Variants in GPX6 observed in about 807,000 individuals in gnomAD.
The protein encoded by GPX6 is glutathione peroxidase 6.
A neutral mutation model predicts 20.0 loss-of-function variants in GPX6; 21 were observed. The ratio of observed to expected loss-of-function variants is 1.05; its 90% CI spans 0.74 to 1.51. The LOEUF (loss-of-function observed/expected upper bound fraction) is 1.51. Among genes scored for constraint, GPX6 ranks in the 40% most tolerant of loss-of-function variants. The pLI is 0.00. For synonymous variants in GPX6, 75 were observed against 98.0 expected (o/e 0.77, Z 1.38); for missense variants, 233 against 254.7 (o/e 0.91, Z 0.58).
intron 1 of GPX6, among the ~76,000 whole-genome samples, chr6:28,514,281 C>A (rs562329847): frequency 1.3e-5 from 2 of 152,160 alleles, no homozygotes; most frequent in African/African-American, 4.8e-5. Flanking sequence ...CAGAATCCCA[C>A]GAAAACTGCA....
chr6:28,515,556 T>C (rs1003388949), intron 1 of GPX6, 101 bp downstream of exon 1: 3 of 814,800 alleles, frequency 3.7e-6, no homozygotes, highest in Middle Eastern at 3.3e-4. Flanking sequence ...AATGCAGATC[T>C]TGTCCTTCGA....
At position 28,515,664 on chromosome 6, in the gene GPX6, T is replaced by C. The variant is rs1484632076; in HGVS notation, c.80A>G (p.Asn27Ser). Residue 27 changes from asparagine to serine, a missense_variant, in exon 1 of 5, where the codon AAT becomes AGT. Coordinates refer to ENST00000361902, the MANE Select transcript of GPX6 (RefSeq NM_182701.1). ...CCCCTGCCCCATGCTCACCTTCCTA[T>C]TTTGAGGCTTTAGGGTCTGCTGAGC... is the stretch of plus-strand genomic sequence containing the variant. ...GFAQQTLKPQ[N>S]RKVDCNKGVT... 14 of 1,613,490 alleles carry C rather than the reference T, an allele frequency of 8.7e-6. No individual in the cohort carries two copies. Among genetic ancestry groups the C allele is most frequent in the Non-Finnish European group, 1.1e-5 (13 of 1,179,602 alleles).
intron 1 of GPX6, among the ~76,000 whole-genome samples, chr6:28,513,048 G>C (rs766926309): frequency 6.6e-6 from 1 of 152,174 alleles, no homozygotes; most frequent in Admixed American, 6.5e-5. Context: ...AACACAGTAG[G>C]AGCACACTGG....
intron 1 of GPX6, among the ~76,000 whole-genome samples, chr6:28,511,820 G>C (rs1762882082): frequency 6.6e-6 from 1 of 152,260 alleles, no homozygotes; most frequent in Non-Finnish European, 1.5e-5. Flanking sequence ...GGCCCCCTCA[G>C]CTTCCGAGGA....
intron 3 of GPX6, 46 bp downstream of exon 3, chr6:28,506,266 T>A (rs1161467086): frequency 3.5e-6 from 4 of 1,139,444 alleles, no homozygotes; most frequent in Non-Finnish European, 5.4e-6. Context: ...GAATGAGGAA[T>A]GGAAATCCCG....
intron 3 of GPX6, 111 bp downstream of exon 3, chr6:28,506,201 C>T: frequency 1.4e-6 from 1 of 737,774 alleles, no homozygotes. Context: ...TATGCTTCAA[C>T]CCATGTATCT....
rs35552803 is a variant in GPX6 at position 28,505,979 on chromosome 6, C to T, written c.360-177G>A. Reference sequence around the variant, plus strand: ...GGATTTTATGCAATAGGCTTTATGGCGCCAATAGAGAATTCTAAGAAAATT... The same window carrying T: ...GGATTTTATGCAATAGGCTTTATGGTGCCAATAGAGAATTCTAAGAAAATT... On this transcript the variant is annotated intron_variant, in intron 3 of 4. Transcript: ENST00000361902. Among the ~76,000 whole-genome samples the T allele has an allele frequency of 9.2e-3, 1,396 of 152,258 alleles. 18 individuals are homozygous for T. The highest frequency in any genetic ancestry group is 0.026 in the African/African-American group (1,094 of 41,550).
chr6:28,512,979 G>T (rs375857591), intron 1 of GPX6, among the ~76,000 whole-genome samples: 3 of 151,972 alleles, frequency 2.0e-5, no homozygotes, highest in Non-Finnish European at 4.4e-5. Flanking sequence ...TGGACACGCT[G>T]CCTTAAAGAA....
intron 2 of GPX6, among the ~76,000 whole-genome samples, chr6:28,507,078 A>G (rs34151610): frequency 0.023 from 3,492 of 152,246 alleles, 59 homozygotes; most frequent in Non-Finnish European, 0.035. Flanking sequence ...CATGCCCTGG[A>G]ACACTCCCTG....
In GPX6 at chr6:28,504,022, AACACACAC is replaced by A. The variant is rs67996303; in HGVS notation, c.*262_*269del. On this transcript the variant is annotated 3_prime_UTR_variant, in exon 5 of 5. Transcript: ENST00000361902. ...TAGGTGTTCTTTTCCTTAATCTTCA[AACACACAC>A]ACACACACACACACACACACCATAC... 31 of 339,026 alleles carry A rather than the reference AACACACAC, an allele frequency of 9.1e-5. No individual in the cohort carries two copies. Among genetic ancestry groups the A allele is most frequent in the Non-Finnish European group, 1.4e-4 (26 of 190,984 alleles). The allele number at this position is 339,026 out of a possible 1,614,324, so 21.0% of individuals were successfully genotyped here.
rs189995255 is a variant in GPX6, at chr6:28,512,072, C to T, written c.88-1168G>A. On this transcript the variant is annotated intron_variant, in intron 1 of 4. Coordinates refer to ENST00000361902, the MANE Select transcript of GPX6 (RefSeq NM_182701.1). The stretch of plus-strand genomic sequence containing the variant: ...AGCCCGCCATGCCTGAGCCTCCTCC[C>T]GCTCCGTGGGCTCCTGCGCGGCCCG... Among the ~76,000 whole-genome samples the T allele has an allele frequency of 7.2e-5, 11 of 152,358 alleles. No homozygotes were observed. In the East Asian group the frequency reaches 2.1e-3, roughly 29 times the overall value.
At chr6:28,514,717 C>T (rs1762993285) in intron 1 of GPX6, among the ~76,000 whole-genome samples, 1 of 152,172 alleles carries the variant, frequency 6.6e-6, no homozygotes, top group Non-Finnish European at 1.5e-5. Context: ...TGTGCTTTAA[C>T]CAGCTATCTC....
At chr6:28,505,529 C>T (rs1762798965) in intron 4 of GPX6, among the ~76,000 whole-genome samples, 174 bp downstream of exon 4, 1 of 152,156 alleles carries the variant, frequency 6.6e-6, no homozygotes, top group African/African-American at 2.4e-5. Flanking sequence ...AGCTATTGTC[C>T]ATCATGGGTT....
In GPX6 at chr6:28,504,461, G is replaced by C. The variant is rs1187508239; in HGVS notation, c.497C>G (p.Ser166Ter). 8 of 1,614,016 alleles carry C rather than the reference G, an allele frequency of 5.0e-6. No homozygotes were observed. The highest frequency in any genetic ancestry group is 6.8e-6 in the Non-Finnish European group (8 of 1,180,050). ...CATGGGCTCCCAGAAGAGTTGGCTT[G>C]ATGAGCCCAAAAGATCAGAGGTCGG... Reference protein sequence around the residue: ...CPPTSDLLGSSSQLFWEPMKV... With the variant: ...CPPTSDLLGS Residue 166 changes from serine to a stop codon, truncating the protein, a stop_gained, in exon 5 of 5, where the codon TCA (serine) becomes TGA (stop). Coordinates refer to ENST00000361902, the MANE Select transcript of GPX6 (RefSeq NM_182701.1). LOFTEE classifies it high-confidence loss of function.
intron 1 of GPX6, among the ~76,000 whole-genome samples, chr6:28,512,169 G>T (rs768739737): frequency 6.6e-6 from 1 of 152,264 alleles, no homozygotes; most frequent in African/African-American, 2.4e-5. Context: ...GCTGAGGAGT[G>T]CGGGCGCAGG....
chr6:28,509,983 G>T (rs183189789), intron 2 of GPX6, among the ~76,000 whole-genome samples: 1 of 152,196 alleles, frequency 6.6e-6, no homozygotes, highest in Non-Finnish European at 1.5e-5. Context: ...AGAAGTAACC[G>T]ATGAGAAGCA....
chr6:28,504,183 G>A lies in GPX6; in HGVS notation c.*109C>T. The A allele has an allele frequency of 9.5e-7, 1 of 1,050,768 alleles. No individual in the cohort carries two copies. The highest frequency in any genetic ancestry group is 1.4e-6 in the Non-Finnish European group (1 of 701,824). The allele number at this position is 1,050,768 out of a possible 1,614,324, so 65.1% of individuals were successfully genotyped here. A position where few individuals can be genotyped will look rare whatever the true frequency, so the allele number is the denominator to read the frequency against. ...GTACAGGATGGTTTGGTCATCAGGA[G>A]GCTGGGTAGGCACGAGTGTGGAGCA... On this transcript the variant is annotated 3_prime_UTR_variant, in exon 5 of 5. Transcript: ENST00000361902.
At chr6:28,513,132 C>T (rs572839452) in intron 1 of GPX6, among the ~76,000 whole-genome samples, 6 of 152,198 alleles carry the variant, frequency 3.9e-5, no homozygotes, top group Admixed American at 2.0e-4. Context: ...TTGGCTCCCC[C>T]ATCTGATGAG....
chr6:28,513,043 A>C (rs1014321114), intron 1 of GPX6, among the ~76,000 whole-genome samples: 1 of 152,224 alleles, frequency 6.6e-6, no homozygotes, highest in Non-Finnish European at 1.5e-5. Context: ...TTTTGAACAC[A>C]GTAGGAGCAC....
Sources: allele counts gnomAD v4.1 joint callset (sites outside exome capture counted in the v4.1 genomes callset), GRCh38; gene constraint gnomAD v4.1.1; transcripts MANE v1.5; gene names NCBI Gene and HGNC (gene_info 2026-07-23, HGNC 2026-07-21).